Variants in COL21A1 observed in about 807,000 individuals in gnomAD.
COL21A1 encodes the protein collagen type XXI alpha 1 chain.
COL21A1 carries 149 observed loss-of-function variants against 137.9 expected under a neutral mutation model. The observed-to-expected ratio is 1.08, with a 90% CI of 0.95 to 1.24. The LOEUF is 1.24. Ranked by LOEUF, COL21A1 falls within the 50% of genes most tolerant of loss-of-function variation. The pLI is 0.00. For missense variants in COL21A1, 1,167 were observed against 1,158.4 expected, an observed-to-expected ratio of 1.01 and a Z score of -0.11; for synonymous variants, 456 against 391.5, an observed-to-expected ratio of 1.16 and a Z score of -1.95.
chr6:56,354,489 A>C (rs1581767268), intron 1 of COL21A1, among the ~76,000 whole-genome samples: 1 of 152,102 alleles, frequency 6.6e-6, no homozygotes, highest in Non-Finnish European at 1.5e-5. Flanking sequence ...TGAAATTAGA[A>C]AAACAAACAA....
chr6:56,286,555 T>G (rs746704757), intron 1 of COL21A1, among the ~76,000 whole-genome samples: 10 of 152,232 alleles, frequency 6.6e-5, no homozygotes, highest in Non-Finnish European at 1.3e-4. Flanking sequence ...TTTTTTTATA[T>G]TCCCATAGCA....
At chr6:56,098,650 TATATAA>T (rs1770074041) in intron 17 of COL21A1, among the ~76,000 whole-genome samples, 2 of 51,524 alleles carry the variant, frequency 3.9e-5, no homozygotes, top group African/African-American at 1.1e-4. Flanking sequence ...TATATATAAA[TATATAA>T]ATATATATAA....
At chr6:56,097,782 TAA>T (rs1347732823) in intron 17 of COL21A1, among the ~76,000 whole-genome samples, 1 of 120,608 alleles carries the variant, frequency 8.3e-6, no homozygotes, top group Non-Finnish European at 1.7e-5. Context: ...TATAAATATA[TAA>T]AAATATATAT....
At chr6:56,283,687 G>C (rs1176127060) in intron 1 of COL21A1, among the ~76,000 whole-genome samples, 2 of 152,144 alleles carry the variant, frequency 1.3e-5, no homozygotes, top group African/African-American at 4.8e-5. Flanking sequence ...ACAGATGAAT[G>C]AAAGAAAACC....
At chr6:56,269,066 A>G (rs947063262) in intron 1 of COL21A1, among the ~76,000 whole-genome samples, 4 of 152,216 alleles carry the variant, frequency 2.6e-5, no homozygotes, top group South Asian at 2.1e-4. Flanking sequence ...ATAAAAATAA[A>G]TCAAAAACTT....
intron 1 of COL21A1, among the ~76,000 whole-genome samples, chr6:56,384,458 A>G (rs2094014144): frequency 6.6e-6 from 1 of 152,218 alleles, no homozygotes; most frequent in Admixed American, 6.5e-5. Flanking sequence ...GTCAAAGCTG[A>G]GGCTTTAGGA....
chr6:56,082,781 T>C (rs1443781933), intron 17 of COL21A1, among the ~76,000 whole-genome samples: 3 of 151,832 alleles, frequency 2.0e-5, no homozygotes, highest in Admixed American at 6.6e-5. Context: ...AATAAGTGAA[T>C]TTTTAAACTT....
intron 1 of COL21A1, among the ~76,000 whole-genome samples, chr6:56,360,730 C>T (rs999478714): frequency 6.6e-6 from 1 of 152,096 alleles, no homozygotes; most frequent in Admixed American, 6.6e-5. Flanking sequence ...AGAAAGGATG[C>T]TGGAATTATT....
At chr6:56,135,545 C>T (rs186554145) in intron 12 of COL21A1, among the ~76,000 whole-genome samples, 106 of 152,162 alleles carry the variant, frequency 7.0e-4, no homozygotes, top group Non-Finnish European at 1.1e-3. Flanking sequence ...CAATTTAAAT[C>T]AAAGTTTAAC....
intron 1 of COL21A1, among the ~76,000 whole-genome samples, chr6:56,268,020 G>C (rs1009389679): frequency 6.6e-6 from 1 of 152,130 alleles, no homozygotes; most frequent in Admixed American, 6.5e-5. Context: ...AGCACAACTG[G>C]AGCTAGATCC....
At chr6:56,171,566 C>T (rs974778866) in intron 3 of COL21A1, among the ~76,000 whole-genome samples, 1 of 151,752 alleles carries the variant, frequency 6.6e-6, no homozygotes, top group East Asian at 1.9e-4. Flanking sequence ...CAAAAATGAA[C>T]ACTAAAATTC....
At chr6:56,073,114 A>G (rs529551578) in intron 20 of COL21A1, among the ~76,000 whole-genome samples, 1 of 151,610 alleles carries the variant, frequency 6.6e-6, no homozygotes, top group South Asian at 2.1e-4. Context: ...TAAAAAAAAA[A>G]AAAGCTGATG....
chr6:56,311,774 A>T (rs1402011061), intron 1 of COL21A1, among the ~76,000 whole-genome samples: 2 of 152,206 alleles, frequency 1.3e-5, no homozygotes, highest in Non-Finnish European at 2.9e-5. Context: ...CCCTTTGAGG[A>T]ATGACTGAGG....
intron 1 of COL21A1, among the ~76,000 whole-genome samples, chr6:56,209,663 G>A (rs1291802173): frequency 9.9e-5 from 15 of 151,978 alleles, no homozygotes; most frequent in East Asian, 1.9e-4. Context: ...AAACAGGAAC[G>A]CTTTTACACT....
chr6:56,283,393 T>C (rs1407582291), intron 1 of COL21A1, among the ~76,000 whole-genome samples: 1 of 152,010 alleles, frequency 6.6e-6, no homozygotes, highest in Non-Finnish European at 1.5e-5. Context: ...AGGAAAAGAA[T>C]AAATATTCAG....
chr6:56,240,414 C>T (rs573938317), intron 1 of COL21A1, among the ~76,000 whole-genome samples: 1 of 152,306 alleles, frequency 6.6e-6, no homozygotes, highest in East Asian at 1.9e-4. Context: ...GCCTCCAGAA[C>T]TGTGAGGAAA....
At chr6:56,365,917 CAAG>C (rs1250044355) in intron 1 of COL21A1, among the ~76,000 whole-genome samples, 2 of 152,242 alleles carry the variant, frequency 1.3e-5, no homozygotes, top group African/African-American at 4.8e-5. Flanking sequence ...TTTAGGACTG[CAAG>C]AAGAATTCTA....
intron 1 of COL21A1, among the ~76,000 whole-genome samples, chr6:56,245,543 T>C (rs1226447534): frequency 6.6e-6 from 1 of 152,216 alleles, no homozygotes; most frequent in East Asian, 1.9e-4. Context: ...ATACATGAGT[T>C]TGTATTTTGA....
At chr6:56,095,163 G>T (rs1381614692) in intron 17 of COL21A1, among the ~76,000 whole-genome samples, 2 of 151,852 alleles carry the variant, frequency 1.3e-5, no homozygotes, top group Non-Finnish European at 2.9e-5. Context: ...CCAAAATATA[G>T]ACCTTCTCTT....
Sources: allele counts gnomAD v4.1 joint callset (sites outside exome capture counted in the v4.1 genomes callset), GRCh38; gene constraint gnomAD v4.1.1; transcripts MANE v1.5; gene names NCBI Gene and HGNC (gene_info 2026-07-23, HGNC 2026-07-21).